MAF: variants seen among roughly 807,000 people sequenced by gnomAD.
MAF encodes the protein transcription factor Maf.
In MAF, 10 loss-of-function variants were observed where a neutral mutation model predicts 22.0. That is an observed-to-expected ratio of 0.45 (90% CI 0.28 to 0.77). MAF has a LOEUF of 0.77. Among genes scored for constraint, MAF ranks in the 30% least tolerant of loss-of-function variants. MAF has a pLI of 0.12. For missense variants in MAF, 544 were observed against 548.4 expected (o/e 0.99, Z 0.08); for synonymous variants, 337 against 255.8 (o/e 1.32, Z -3.03).
chr16:79,541,518 T>C, the MAF span, among the ~76,000 whole-genome samples: 1 of 152,158 alleles, frequency 6.6e-6, no homozygotes, highest in South Asian at 2.1e-4. Flanking sequence ...ACAGGAGCTG[T>C]TCTCCTTTTA....
At chr16:79,204,407 C>T in the MAF span, 1 of 152,118 alleles carries the variant, frequency 6.6e-6, no homozygotes, top group Non-Finnish European at 1.5e-5. Context: ...TTCCTTCCCT[C>T]GTTAGGAGTA....
At chr16:79,499,222 G>A in the MAF span, among the ~76,000 whole-genome samples, 2 of 152,160 alleles carry the variant, frequency 1.3e-5, no homozygotes, top group Admixed American at 6.5e-5. Context: ...TTTTGTGGCT[G>A]GGCTGCATCA....
the MAF span, among the ~76,000 whole-genome samples, chr16:79,368,460 G>C: frequency 9.9e-5 from 15 of 152,228 alleles, no homozygotes; most frequent in East Asian, 2.7e-3. Context: ...ATTTGCAGTG[G>C]TTTTTAGTAT....
At chr16:79,336,034 C>A in the MAF span, among the ~76,000 whole-genome samples, 1 of 152,166 alleles carries the variant, frequency 6.6e-6, no homozygotes, top group Non-Finnish European at 1.5e-5. Flanking sequence ...CAGGGCTGCG[C>A]TCAGGGCAGA....
the MAF span, among the ~76,000 whole-genome samples, chr16:79,305,573 G>C: frequency 3.3e-5 from 5 of 152,126 alleles, no homozygotes; most frequent in African/African-American, 9.7e-5. Context: ...TCATGGGGAG[G>C]GGCTGCACTA....
the MAF span, among the ~76,000 whole-genome samples, chr16:79,293,218 A>C: frequency 1.3e-5 from 2 of 152,132 alleles, no homozygotes; most frequent in African/African-American, 2.4e-5. Flanking sequence ...TCTGGTAACA[A>C]CACCAACTCC....
the MAF span, among the ~76,000 whole-genome samples, chr16:79,263,647 G>C: frequency 1.4e-4 from 21 of 152,184 alleles, no homozygotes; most frequent in African/African-American, 4.8e-4. Context: ...TGAAACCATA[G>C]GGTTTTTAAA....
At chr16:79,307,161 T>G in the MAF span, among the ~76,000 whole-genome samples, 123 of 152,276 alleles carry the variant, frequency 8.1e-4, 2 homozygotes, top group South Asian at 0.025. Context: ...CTCCCATAAA[T>G]CATTAACGGG....
the MAF span, chr16:79,212,021 T>C: frequency 2.0e-6 from 3 of 1,536,262 alleles, no homozygotes; most frequent in East Asian, 4.9e-5. Flanking sequence ...TAGGTCTCTT[T>C]GCTTTCTGGT....
At chr16:79,210,780 T>C in the MAF span, among the ~76,000 whole-genome samples, 2 of 152,050 alleles carry the variant, frequency 1.3e-5, no homozygotes. Flanking sequence ...ATTCTGTCAG[T>C]TTGGATGATA....
chr16:79,236,053 G>C, the MAF span, among the ~76,000 whole-genome samples: 1 of 152,052 alleles, frequency 6.6e-6, no homozygotes, highest in Non-Finnish European at 1.5e-5. Flanking sequence ...CTGAAACCCT[G>C]ACACTCCCAT....
the MAF span, among the ~76,000 whole-genome samples, chr16:79,274,075 C>G: frequency 6.6e-6 from 1 of 151,396 alleles, no homozygotes; most frequent in East Asian, 2.0e-4. Context: ...CTGCCTCAGC[C>G]TCCCGAGTAG....
the MAF span, among the ~76,000 whole-genome samples, chr16:79,441,335 TA>T: frequency 6.6e-6 from 1 of 152,176 alleles, no homozygotes. Context: ...CTTACACACT[TA>T]AAAATGGGGA....
chr16:79,454,342 C>T, the MAF span, among the ~76,000 whole-genome samples: 1 of 152,084 alleles, frequency 6.6e-6, no homozygotes, highest in Admixed American at 6.6e-5. Context: ...GAGGGCCCTG[C>T]AGAGTCGAAG....
chr16:79,249,193 G>T, the MAF span, among the ~76,000 whole-genome samples: 3 of 152,298 alleles, frequency 2.0e-5, no homozygotes, highest in East Asian at 3.9e-4. Flanking sequence ...GCTGAGGCAG[G>T]CAGATCACCT....
At chr16:79,240,487 GAAAAAAAAAAAAAAAAAAAA>G in the MAF span, among the ~76,000 whole-genome samples, 54 of 60,734 alleles carry the variant, frequency 8.9e-4, no homozygotes, top group East Asian at 4.2e-3. Flanking sequence ...AGCATCTCTG[GAAAAAAAAAAAAAAAAAAAA>G]AAAAAAAAAA....
At chr16:79,595,433 G>A (rs886624731) in intron 1 of MAF, 2 of 1,055,672 alleles carry the variant, frequency 1.9e-6, no homozygotes, top group South Asian at 4.6e-5. Context: ...TTTAAGAACG[G>A]CAGAAAACAA....
At chr16:79,323,579 C>T in the MAF span, among the ~76,000 whole-genome samples, 1 of 152,090 alleles carries the variant, frequency 6.6e-6, no homozygotes, top group Non-Finnish European at 1.5e-5. Flanking sequence ...GTTTTGGAAA[C>T]GCACACGCTC....
the MAF span, among the ~76,000 whole-genome samples, chr16:79,405,354 C>T: frequency 6.6e-6 from 1 of 152,144 alleles, no homozygotes; most frequent in African/African-American, 2.4e-5. Context: ...CTCACAGAAA[C>T]AAAGTTTCAG....
Sources: gnomAD v4.1 joint callset for allele counts (sites outside exome capture counted in the v4.1 genomes callset) on GRCh38, gnomAD v4.1.1 for gene constraint, MANE v1.5 for transcripts, NCBI Gene and HGNC (gene_info 2026-07-23, HGNC 2026-07-21) for gene names.